Variants in FMNL2 observed in about 807,000 individuals in gnomAD.
FMNL2 encodes the protein formin-like protein 2.
A neutral mutation model predicts 130.2 loss-of-function variants in FMNL2; 51 were observed. The ratio of observed to expected loss-of-function variants is 0.39; its 90% CI spans 0.31 to 0.49. FMNL2 has a LOEUF of 0.49. Among genes scored for constraint, FMNL2 ranks in the 20% least tolerant of loss-of-function variants. The pLI, the probability that FMNL2 is intolerant of heterozygous loss-of-function variation, is 0.85. For synonymous variants in FMNL2, 465 were observed against 467.1 expected (o/e 1.00, Z 0.06); for missense variants, 977 against 1,316.2 (o/e 0.74, Z 3.99).
chr2:152,452,000 C>T (rs923308210), intron 1 of FMNL2, among the ~76,000 whole-genome samples: 1 of 152,160 alleles, frequency 6.6e-6, no homozygotes, highest in Non-Finnish European at 1.5e-5. Context: ...GATCTGAAGT[C>T]TGGGAGCCAT....
chr2:152,431,719 A>G (rs1687500497), intron 1 of FMNL2, among the ~76,000 whole-genome samples: 1 of 152,130 alleles, frequency 6.6e-6, no homozygotes, highest in Non-Finnish European at 1.5e-5. Flanking sequence ...TAATCCCAGC[A>G]CTTTGGGAGG....
At chr2:152,603,405 T>TG (rs1389184988) in intron 9 of FMNL2, among the ~76,000 whole-genome samples, 2 of 150,842 alleles carry the variant, frequency 1.3e-5, no homozygotes, top group Non-Finnish European at 3.0e-5. Flanking sequence ...GTCTGTTTTT[T>TG]TTTTTTTTTT....
intron 1 of FMNL2, among the ~76,000 whole-genome samples, chr2:152,487,742 G>A (rs1579788854): frequency 6.6e-6 from 1 of 151,826 alleles, no homozygotes. Context: ...TTATAGTTAT[G>A]TGTGTTTGAA....
chr2:152,489,022 G>A (rs1164917367), intron 1 of FMNL2, among the ~76,000 whole-genome samples: 4 of 152,200 alleles, frequency 2.6e-5, no homozygotes, highest in Admixed American at 2.0e-4. Context: ...AGTGAGCCAC[G>A]ATGGTACCAC....
In FMNL2 at chr2:152,560,833, A is replaced by G. The variant is rs776787073; in HGVS notation, c.444-50A>G. The G allele has an allele frequency of 5.1e-6, 8 of 1,555,906 alleles. 1 individual carries two copies. Among genetic ancestry groups the G allele is most frequent in the Admixed American group, 3.7e-5 (2 of 54,532 alleles). On this transcript the variant is annotated intron_variant, in intron 5 of 25. Transcript: ENST00000288670. ...GCAAGTTATACATGTTCGTTTATAC[A>G]TGTGAATGTGAATTTTTCAGTCTTC...
chr2:152,560,819 A>C, intron 5 of FMNL2, 64 bp from the exon 6 acceptor site: 2 of 1,487,486 alleles, frequency 1.3e-6, no homozygotes, highest in Middle Eastern at 1.7e-4. Flanking sequence ...CAAGTTATAC[A>C]TGTTCGTTTA....
At chr2:152,646,611 C>T (rs545721315) in intron 25 of FMNL2, among the ~76,000 whole-genome samples, 7 of 152,120 alleles carry the variant, frequency 4.6e-5, no homozygotes, top group African/African-American at 1.7e-4. Context: ...GTGGAGCAAA[C>T]ATTCTGTGGG....
At chr2:152,359,331 G>C (rs1683024292) in intron 1 of FMNL2, among the ~76,000 whole-genome samples, 1 of 152,162 alleles carries the variant, frequency 6.6e-6, no homozygotes. Flanking sequence ...TTTAGGTGCA[G>C]AGTTTGAGCA....
At chr2:152,488,352 G>A (rs985391157) in intron 1 of FMNL2, among the ~76,000 whole-genome samples, 4 of 152,184 alleles carry the variant, frequency 2.6e-5, no homozygotes, top group Non-Finnish European at 4.4e-5. Context: ...AAGCAAGTCC[G>A]CAAATAAGCT....
At chr2:152,522,108 A>G (rs1693128481) in intron 2 of FMNL2, 82 bp downstream of exon 2, 5 of 1,133,284 alleles carry the variant, frequency 4.4e-6, no homozygotes, top group Non-Finnish European at 6.4e-6. Context: ...TGTCAATATC[A>G]TGATTGAAAA....
chr2:152,447,634 T>C (rs1688417234), intron 1 of FMNL2, among the ~76,000 whole-genome samples: 1 of 152,146 alleles, frequency 6.6e-6, no homozygotes, highest in Admixed American at 6.5e-5. Flanking sequence ...TTTAAATGCA[T>C]TTTCACCCCA....
intron 1 of FMNL2, among the ~76,000 whole-genome samples, chr2:152,411,410 T>C (rs1007613712): frequency 6.6e-6 from 1 of 152,120 alleles, no homozygotes; most frequent in Non-Finnish European, 1.5e-5. Context: ...ATATACCACT[T>C]CCCTTAGGAA....
chr2:152,525,753 C>T (rs1178895872), intron 2 of FMNL2, among the ~76,000 whole-genome samples: 1 of 152,196 alleles, frequency 6.6e-6, no homozygotes, highest in Non-Finnish European at 1.5e-5. Flanking sequence ...CCAGGCTTGG[C>T]ATGGGTCCTG....
At chr2:152,587,801 A>G (rs892366348) in intron 9 of FMNL2, among the ~76,000 whole-genome samples, 11 of 152,254 alleles carry the variant, frequency 7.2e-5, no homozygotes, top group Non-Finnish European at 1.3e-4. Context: ...AAACATTGAT[A>G]AATATTGGAA....
chr2:152,360,556 A>G (rs1011718623), intron 1 of FMNL2, among the ~76,000 whole-genome samples: 10 of 152,162 alleles, frequency 6.6e-5, no homozygotes, highest in Non-Finnish European at 2.9e-5. Context: ...GTCTTCTGAA[A>G]GTAAATACTC....
chr2:152,468,243 G>A (rs62180801), intron 1 of FMNL2, among the ~76,000 whole-genome samples: 2,283 of 146,958 alleles, frequency 0.016, 25 homozygotes, highest in Non-Finnish European at 0.026. Flanking sequence ...TTTCTCTCTT[G>A]TTTCCTCAAA....
At chr2:152,611,469 C>T (rs1426223046) in intron 10 of FMNL2, 26 bp from the exon 11 acceptor site, 5 of 1,451,322 alleles carry the variant, frequency 3.4e-6, no homozygotes, top group African/African-American at 2.8e-5. Context: ...TGGAGCCCAT[C>T]TAACCCCTTG....
intron 1 of FMNL2, among the ~76,000 whole-genome samples, chr2:152,521,609 T>C (rs1011263717): frequency 6.6e-6 from 1 of 152,172 alleles, no homozygotes; most frequent in African/African-American, 2.4e-5. Context: ...TACAGTGCTT[T>C]ACAAAGAAAT....
chr2:152,398,480 C>G (rs1384597582), intron 1 of FMNL2, among the ~76,000 whole-genome samples: 2 of 152,140 alleles, frequency 1.3e-5, no homozygotes, highest in Non-Finnish European at 2.9e-5. Flanking sequence ...TGCTAGGTCT[C>G]TAGTAATTGG....
Sources: allele counts gnomAD v4.1 joint callset (sites outside exome capture counted in the v4.1 genomes callset), GRCh38; gene constraint gnomAD v4.1.1; transcripts MANE v1.5; gene names NCBI Gene and HGNC (gene_info 2026-07-23, HGNC 2026-07-21).